The following ADGB variants were observed in gnomAD, a reference collection of about 807,000 sequenced individuals.
ADGB encodes the protein calpain-7-like protein.
Under a neutral mutation model 210.5 loss-of-function variants are expected in ADGB, and 172 were observed. The ratio of observed to expected loss-of-function variants is 0.82; its 90% confidence interval spans 0.72 to 0.93. The LOEUF (loss-of-function observed/expected upper bound fraction) is 0.93. ADGB is among the 40% of genes least tolerant of loss of function. ADGB has a pLI of 0.00. For missense variants in ADGB, 2,025 were observed against 1,964.8 expected (o/e 1.03, Z -0.58); for synonymous variants, 658 against 662.7 (o/e 0.99, Z 0.11).
At chr6:146,647,115 A>AAAAAAAAC (rs1562263814) in intron 3 of ADGB, among the ~76,000 whole-genome samples, 2 of 147,930 alleles carry the variant, frequency 1.4e-5, no homozygotes, top group Admixed American at 6.7e-5. Context: ...CAAAAAACAA[A>AAAAAAAAC]AAACAAACAA....
intron 30 of ADGB, among the ~76,000 whole-genome samples, chr6:146,783,846 T>C (rs925802398): frequency 2.0e-5 from 3 of 152,170 alleles, no homozygotes; most frequent in African/African-American, 4.8e-5. Flanking sequence ...TCTCCCAGCC[T>C]ATGATACATG....
chr6:146,788,707 G>A (rs2114651500), intron 33 of ADGB, 97 bp downstream of exon 33: 1 of 1,123,668 alleles, frequency 8.9e-7, no homozygotes, highest in Non-Finnish European at 1.3e-6. Flanking sequence ...TAGGGCTATA[G>A]AAGTAGAAAA....
chr6:146,779,440 G>A (rs1246190407), intron 29 of ADGB, among the ~76,000 whole-genome samples: 3 of 152,146 alleles, frequency 2.0e-5, no homozygotes, highest in African/African-American at 7.2e-5. Context: ...GTCCAGATTT[G>A]ATGAGAAACA....
chr6:146,764,483 GA>G (rs1008571209), intron 28 of ADGB, among the ~76,000 whole-genome samples: 3 of 151,862 alleles, frequency 2.0e-5, no homozygotes, highest in East Asian at 1.9e-4. Context: ...CAATTAAAGG[GA>G]AAAAAGATAA....
At chr6:146,708,175 T>A (rs1250056579) in intron 13 of ADGB, among the ~76,000 whole-genome samples, 1 of 152,066 alleles carries the variant, frequency 6.6e-6, no homozygotes, top group African/African-American at 2.4e-5. Flanking sequence ...TGACAAATTA[T>A]TGCAATTATT....
At position 146,672,467 on chromosome 6, in the gene ADGB, G is replaced by C. The variant is rs1776023750; in HGVS notation, c.1087G>C (p.Glu363Gln). The C allele has an allele frequency of 6.5e-7, 1 of 1,530,826 alleles. No homozygotes were observed. Among genetic ancestry groups the C allele is most frequent in the Non-Finnish European group, 8.8e-7 (1 of 1,139,826 alleles). 94.8% of individuals were successfully genotyped at this position (1,530,826 alleles called of 1,614,324 possible). Residue 363 changes from glutamate (E) to glutamine (Q), a missense_variant and splice_region_variant, in exon 8 of 36, where the codon GAG (glutamate) becomes CAG (glutamine). Transcript: ENST00000397944. ...TGAGAAAAGCGACAAAGTTCCAAAG[G>C]GTAAGATATTTTACATCAAAATGTG... ...APEKSDKVPK[E>Q]KADARDIGKK...
chr6:146,783,086 A>G (rs1777825092), intron 30 of ADGB, among the ~76,000 whole-genome samples: 1 of 152,170 alleles, frequency 6.6e-6, no homozygotes, highest in Admixed American at 6.5e-5. Flanking sequence ...CAGTAATCTA[A>G]GCAAAAGAGT....
intron 17 of ADGB, among the ~76,000 whole-genome samples, chr6:146,722,461 T>C (rs1487215716): frequency 6.6e-6 from 1 of 152,184 alleles, no homozygotes; most frequent in Non-Finnish European, 1.5e-5. Flanking sequence ...ACTTGATGCA[T>C]ATCCAACCCA....
At chr6:146,657,815 C>G (rs1329577681) in intron 5 of ADGB, among the ~76,000 whole-genome samples, 1 of 152,020 alleles carries the variant, frequency 6.6e-6, no homozygotes, top group African/African-American at 2.4e-5. Context: ...CAAATCTTAC[C>G]CTGAGACAGG....
intron 20 of ADGB, among the ~76,000 whole-genome samples, chr6:146,730,142 A>G (rs1219186086): frequency 6.6e-6 from 1 of 152,190 alleles, no homozygotes; most frequent in Non-Finnish European, 1.5e-5. Context: ...TACTTACATA[A>G]TTACTTATAA....
chr6:146,695,778 G>C (rs1173095242), intron 12 of ADGB, among the ~76,000 whole-genome samples: 2 of 151,896 alleles, frequency 1.3e-5, no homozygotes, highest in East Asian at 3.9e-4. Context: ...TACTATAACA[G>C]TATTATATTA....
chr6:146,721,370 A>G, intron 16 of ADGB, 33 bp from the exon 17 acceptor site: 2 of 1,304,570 alleles, frequency 1.5e-6, no homozygotes, highest in Non-Finnish European at 2.2e-6. Flanking sequence ...ATGAACTGAT[A>G]TTAAGTATGA....
intron 5 of ADGB, among the ~76,000 whole-genome samples, chr6:146,658,034 T>G (rs1214658471): frequency 1.3e-5 from 2 of 151,938 alleles, no homozygotes; most frequent in Non-Finnish European, 2.9e-5. Context: ...GTATTAAAAG[T>G]TAATAATTCC....
At chr6:146,722,355 C>T (rs1185370731) in intron 17 of ADGB, among the ~76,000 whole-genome samples, 1 of 152,092 alleles carries the variant, frequency 6.6e-6, no homozygotes, top group African/African-American at 2.4e-5. Context: ...ATCTACCCTG[C>T]CACTTTTTCT....
chr6:146,809,046 C>T (rs1778258281), intron 35 of ADGB, among the ~76,000 whole-genome samples: 1 of 77,090 alleles, frequency 1.3e-5, no homozygotes, highest in Admixed American at 1.2e-4. Context: ...GTCAAAAGGG[C>T]AGGCGCATAT....
intron 1 of ADGB, among the ~76,000 whole-genome samples, chr6:146,605,444 G>T (rs1365473032): frequency 2.0e-5 from 3 of 152,110 alleles, no homozygotes; most frequent in Admixed American, 6.6e-5. Flanking sequence ...AATAAAGAAT[G>T]TGTAAATAAG....
At chr6:146,782,279 C>T (rs1777812801) in intron 30 of ADGB, 87 bp downstream of exon 30, 1 of 1,286,258 alleles carries the variant, frequency 7.8e-7, no homozygotes, top group East Asian at 2.7e-5. Flanking sequence ...GAGGACAAAA[C>T]CGTGAAACAT....
At chr6:146,659,489 A>G (rs554558141) in intron 5 of ADGB, among the ~76,000 whole-genome samples, 4 of 152,022 alleles carry the variant, frequency 2.6e-5, no homozygotes, top group African/African-American at 9.6e-5. Flanking sequence ...TCCCTCATTC[A>G]CTTTGTCCTG....
chr6:146,682,836 A>C (rs1444065437), intron 9 of ADGB, among the ~76,000 whole-genome samples: 1 of 152,098 alleles, frequency 6.6e-6, no homozygotes, highest in African/African-American at 2.4e-5. Context: ...TTGGCTAATA[A>C]ACTTTTTTGA....
Sources: gnomAD v4.1 joint callset for allele counts (sites outside exome capture counted in the v4.1 genomes callset) on GRCh38, gnomAD v4.1.1 for gene constraint, MANE v1.5 for transcripts, NCBI Gene and HGNC (gene_info 2026-07-23, HGNC 2026-07-21) for gene names.